The following EIF2AK2 variants were observed in gnomAD, a reference collection of about 807,000 sequenced individuals.
EIF2AK2 encodes interferon-induced, double-stranded RNA-activated protein kinase.
EIF2AK2 carries 40 observed loss-of-function variants against 70.5 expected under a neutral mutation model. The ratio of observed to expected loss-of-function variants is 0.57; its 90% confidence interval spans 0.44 to 0.74. EIF2AK2 has a LOEUF of 0.74. EIF2AK2 is among the 30% of genes least tolerant of loss of function. The probability of loss-of-function intolerance (pLI) is 0.00; values close to 1 mark genes in which losing one functional copy is unlikely to be tolerated. For missense variants in EIF2AK2, 555 were observed against 644.3 expected (o/e 0.86, Z 1.50); for synonymous variants, 198 against 220.9 (o/e 0.90, Z 0.92).
chr2:37,127,447 C>A (rs1216507236), intron 10 of EIF2AK2, among the ~76,000 whole-genome samples: 7 of 152,334 alleles, frequency 4.6e-5, no homozygotes, highest in South Asian at 2.1e-4. Context: ...CTATAAGGTG[C>A]CAAATGAGGA....
At chr2:37,149,311 G>T in intron 1 of EIF2AK2, 2 of 994,840 alleles carry the variant, frequency 2.0e-6, no homozygotes, top group Non-Finnish European at 3.2e-6. Context: ...ATAATCTGTG[G>T]TATCAAACTA....
At chr2:37,153,274 C>G (rs1675808628) in intron 1 of EIF2AK2, among the ~76,000 whole-genome samples, 1 of 151,002 alleles carries the variant, frequency 6.6e-6, no homozygotes, top group Admixed American at 6.6e-5. Flanking sequence ...TCTTTCCAAA[C>G]AGAAAGTGTG....
At chr2:37,139,801 T>A (rs764936431) in intron 5 of EIF2AK2, 44 bp from the exon 6 acceptor site, 1 of 1,569,700 alleles carries the variant, frequency 6.4e-7, no homozygotes, top group Non-Finnish European at 8.6e-7. Context: ...ATGAAAAATA[T>A]AGCAAATCCA....
At chr2:37,114,643 A>G in intron 14 of EIF2AK2, 88 bp downstream of exon 14, 1 of 1,221,984 alleles carries the variant, frequency 8.2e-7, no homozygotes, top group Non-Finnish European at 1.1e-6. Context: ...ACTTCTGTAC[A>G]GTTTTAATTA....
intron 8 of EIF2AK2, among the ~76,000 whole-genome samples, 190 bp downstream of exon 8, chr2:37,138,080 G>A (rs898291861): frequency 1.4e-5 from 2 of 145,786 alleles, no homozygotes; most frequent in African/African-American, 5.1e-5. Context: ...CTGCACTCCA[G>A]CCTGGGCAAC....
At chr2:37,120,423 C>T (rs1042415911) in intron 12 of EIF2AK2, among the ~76,000 whole-genome samples, 4 of 138,472 alleles carry the variant, frequency 2.9e-5, no homozygotes, top group South Asian at 2.4e-4. Context: ...AAGAGAATGG[C>T]GTGAACCCGG....
intron 10 of EIF2AK2, among the ~76,000 whole-genome samples, chr2:37,132,184 A>T (rs1674964919): frequency 6.6e-6 from 1 of 152,122 alleles, no homozygotes; most frequent in Admixed American, 6.6e-5. Context: ...ATTTCCCCTC[A>T]CACAACATAT....
intron 1 of EIF2AK2, among the ~76,000 whole-genome samples, chr2:37,151,927 G>A (rs1025579985): frequency 2.0e-5 from 3 of 152,218 alleles, no homozygotes; most frequent in African/African-American, 7.2e-5. Context: ...TTAGCCGGGC[G>A]CGGTGGCGCG....
chr2:37,100,477 A>G lies in EIF2AK2; in HGVS notation c.*6796T>C, dbSNP rs557348115. ...CCATAAGAGCCACACAGATTTGAGAAGCATTTTATTTGCCTCACAGTTTTG... is the reference window on the plus strand; with the variant it reads ...CCATAAGAGCCACACAGATTTGAGAGGCATTTTATTTGCCTCACAGTTTTG... On this transcript the variant is annotated 3_prime_UTR_variant, in exon 17 of 17. Coordinates refer to ENST00000233057, the MANE Select transcript of EIF2AK2 (RefSeq NM_001135651.3). The G allele has an allele frequency of 6.6e-6, 1 of 152,236 alleles. No homozygotes were observed. The highest frequency in any genetic ancestry group is 2.1e-4 in the South Asian group (1 of 4,832). 9.4% of individuals were successfully genotyped at this position (152,236 alleles called of 1,614,324 possible).
At chr2:37,122,403 A>G in intron 12 of EIF2AK2, 103 bp downstream of exon 12, 1 of 1,236,242 alleles carries the variant, frequency 8.1e-7, no homozygotes, top group Non-Finnish European at 1.1e-6. Context: ...GGGAATTGTG[A>G]TAATTAATCG....
chr2:37,114,606 G>T, intron 14 of EIF2AK2, 125 bp downstream of exon 14: 2 of 794,660 alleles, frequency 2.5e-6, no homozygotes, highest in Non-Finnish European at 3.5e-6. Context: ...GGGTAGAAAA[G>T]AATGGTAAGG....
chr2:37,152,970 A>T (rs1441447725), intron 1 of EIF2AK2, among the ~76,000 whole-genome samples: 1 of 152,078 alleles, frequency 6.6e-6, no homozygotes, highest in Non-Finnish European at 1.5e-5. Flanking sequence ...ATCTATAACT[A>T]AGTCCTGTCA....
chr2:37,137,148 A>C, intron 8 of EIF2AK2, 131 bp from the exon 9 acceptor site: 41 of 645,232 alleles, frequency 6.4e-5, no homozygotes, highest in Admixed American at 1.1e-4. Context: ...CTGTACTCTC[A>C]TCAAGCCCTG....
At position 37,138,591 on chromosome 2, in the gene EIF2AK2, A is replaced by G; in HGVS notation, c.517-6T>C. 1 of 1,614,002 alleles carries G rather than the reference A, an allele frequency of 6.2e-7. No homozygotes were observed. Among genetic ancestry groups the G allele is most frequent in the East Asian group, 2.2e-5 (1 of 44,854 alleles). ...GAGGACAGGTAGTCAGATTTCTGAA[A>G]GAAAAAGTATCCCTTAGTAGGCTTA... On this transcript the variant is annotated splice_polypyrimidine_tract_variant and splice_region_variant and intron_variant, in intron 6 of 16. Transcript: ENST00000233057.
At chr2:37,114,611 G>T in intron 14 of EIF2AK2, 120 bp downstream of exon 14, 2 of 870,282 alleles carry the variant, frequency 2.3e-6, no homozygotes, top group Non-Finnish European at 3.1e-6. Flanking sequence ...GAAAAGAATG[G>T]TAAGGAAAAT....
rs913694514 is a variant in EIF2AK2 at position 37,105,389 on chromosome 2, A to G, written c.*1884T>C. On this transcript the variant is annotated 3_prime_UTR_variant, in exon 17 of 17. Coordinates refer to ENST00000233057, the MANE Select transcript of EIF2AK2 (RefSeq NM_001135651.3). ...AGGAGAAGCAAGGAGTTCTCAATCT[A>G]TTAGTTCCCTCAAGAGCCGGTTATT... is the stretch of plus-strand genomic sequence containing the variant. The G allele has an allele frequency of 1.3e-5, 2 of 152,276 alleles. No homozygotes were observed. Among genetic ancestry groups the G allele is most frequent in the African/African-American group, 4.8e-5 (2 of 41,512 alleles). 9.4% of individuals were successfully genotyped at this position (152,276 alleles called of 1,614,324 possible). A position where few individuals can be genotyped will look rare whatever the true frequency, so the allele number is the denominator to read the frequency against.
rs70949732 is a variant in EIF2AK2 at position 37,120,963 on chromosome 2, C to CAA, written c.1068-826_1068-825dup. Among the ~76,000 whole-genome samples the CAA allele has an allele frequency of 1.2e-3, 143 of 118,772 alleles. 4 individuals are homozygous for CAA. Among genetic ancestry groups the CAA allele is most frequent in the Admixed American group, 2.5e-3 (28 of 11,140 alleles). 77.9% of individuals were successfully genotyped at this position (118,772 alleles called of 152,430 possible). On this transcript the variant is annotated intron_variant, in intron 12 of 16. Coordinates refer to ENST00000233057, the MANE Select transcript of EIF2AK2 (RefSeq NM_001135651.3). ...TGAGCGATAGAGTAAGACTCTGTCT[C>CAA]AAAAAAAAAAAAAGAAGAGGCCGGG...
At position 37,122,506 on chromosome 2, in the gene EIF2AK2, C is replaced by T; in HGVS notation, c.1067G>A (p.Arg356Lys). Residue 356 changes from arginine to lysine, a missense_variant and splice_region_variant, in exon 12 of 17, where the codon AGG (arginine) becomes AAG (lysine). Coordinates refer to ENST00000233057, the MANE Select transcript of EIF2AK2 (RefSeq NM_001135651.3). ...GCTATGAGAATTTATTTTTAGTTACCTTGAACTATTTTTGCTGTTCTCAGG... is the reference window on the plus strand; with the variant it reads ...GCTATGAGAATTTATTTTTAGTTACTTTGAACTATTTTTGCTGTTCTCAGG... ...YDPENSKNSS[R>K]SKTKCLFIQM... The T allele has an allele frequency of 6.2e-7, 1 of 1,611,086 alleles. No individual in the cohort carries two copies. Among genetic ancestry groups the T allele is most frequent in the East Asian group, 2.2e-5 (1 of 44,832 alleles).
chr2:37,099,536 G>A lies in EIF2AK2; in HGVS notation c.*7737C>T, dbSNP rs1673774029. ...GTACTAGGGAGAAGATTCATTTTGA[G>A]TGGGAGATGTTGGAACACTTTGGAA... On this transcript the variant is annotated 3_prime_UTR_variant, in exon 17 of 17. Coordinates refer to ENST00000233057, the MANE Select transcript of EIF2AK2 (RefSeq NM_001135651.3). 1 of 152,222 alleles carries A rather than the reference G, an allele frequency of 6.6e-6. No individual in the cohort carries two copies. Among genetic ancestry groups the A allele is most frequent in the African/African-American group, 2.4e-5 (1 of 41,458 alleles). The allele number at this position is 152,222 out of a possible 1,614,324, so 9.4% of individuals were successfully genotyped here.
Sources: allele counts gnomAD v4.1 joint callset (sites outside exome capture counted in the v4.1 genomes callset), GRCh38; gene constraint gnomAD v4.1.1; transcripts MANE v1.5; gene names NCBI Gene and HGNC (gene_info 2026-07-23, HGNC 2026-07-21).